The following DLG2 variants were observed in gnomAD, a reference collection of about 807,000 sequenced individuals.
DLG2 encodes the protein disks large homolog 2.
DLG2 carries 45 observed loss-of-function variants against 132.5 expected under a neutral mutation model. That is an observed-to-expected ratio of 0.34 (90% CI 0.27 to 0.44). The LOEUF is 0.44. Ranked by LOEUF, DLG2 falls within the 20% of genes least tolerant of loss-of-function variation. The pLI is 1.00. For synonymous variants in DLG2, 424 were observed against 419.6 expected, an observed-to-expected ratio of 1.01 and a Z score of -0.13; for missense variants, 1,045 against 1,196.9, an observed-to-expected ratio of 0.87 and a Z score of 1.87.
chr11:85,393,574 A>G (rs2086996316), intron 3 of DLG2, among the ~76,000 whole-genome samples: 1 of 151,946 alleles, frequency 6.6e-6, no homozygotes, highest in Non-Finnish European at 1.5e-5. Context: ...CCAAATGCCC[A>G]ACAATCAACA....
chr11:85,465,469 C>A (rs1443286506), intron 3 of DLG2, among the ~76,000 whole-genome samples: 2 of 152,090 alleles, frequency 1.3e-5, no homozygotes, highest in Non-Finnish European at 2.9e-5. Flanking sequence ...CCCCACCCCA[C>A]AACAGGCCCT....
At chr11:84,483,531 C>T (rs1415905839) in intron 7 of DLG2, among the ~76,000 whole-genome samples, 1 of 151,426 alleles carries the variant, frequency 6.6e-6, no homozygotes, top group Non-Finnish European at 1.5e-5. Flanking sequence ...CTACTTTTTG[C>T]ACTGTCGTTC....
intron 3 of DLG2, among the ~76,000 whole-genome samples, chr11:85,418,224 T>C (rs1001361541): frequency 6.6e-6 from 1 of 152,166 alleles, no homozygotes; most frequent in Non-Finnish European, 1.5e-5. Context: ...CAGGAGTAGG[T>C]TGTTCAGTTT....
intron 6 of DLG2, among the ~76,000 whole-genome samples, chr11:84,685,359 A>T (rs979373428): frequency 3.3e-5 from 5 of 152,240 alleles, no homozygotes; most frequent in Non-Finnish European, 5.9e-5. Context: ...AGCATTAATA[A>T]GAACCACAGT....
intron 3 of DLG2, among the ~76,000 whole-genome samples, chr11:85,582,234 A>G (rs2078572200): frequency 6.6e-6 from 1 of 152,116 alleles, no homozygotes; most frequent in South Asian, 2.1e-4. Flanking sequence ...TGTAGAGCCA[A>G]TGATTTAGTA....
chr11:85,068,981 C>A (rs1021378505), intron 6 of DLG2, among the ~76,000 whole-genome samples: 1 of 151,976 alleles, frequency 6.6e-6, no homozygotes, highest in Non-Finnish European at 1.5e-5. Context: ...AGAACAGAGC[C>A]CTCAGAAATA....
chr11:83,499,895 A>ATATATATATATATCTATCTATC (rs1296866569), intron 21 of DLG2, among the ~76,000 whole-genome samples: 4 of 114,522 alleles, frequency 3.5e-5, no homozygotes, highest in African/African-American at 1.4e-4. Context: ...ATATATATAT[A>ATATATATATATATCTATCTATC]TATCAGTTCT....
chr11:84,795,540 C>A (rs757131551), intron 6 of DLG2, among the ~76,000 whole-genome samples: 1 of 152,134 alleles, frequency 6.6e-6, no homozygotes, highest in Non-Finnish European at 1.5e-5. Flanking sequence ...AGTAAAGCAC[C>A]TCTTCACCTT....
intron 9 of DLG2, among the ~76,000 whole-genome samples, chr11:84,149,860 T>A (rs1344917655): frequency 1.2e-4 from 19 of 152,114 alleles, no homozygotes. Context: ...CGGGTTCAAG[T>A]GATTCTTCTG....
At chr11:85,338,827 C>G (rs2082298985) in intron 3 of DLG2, among the ~76,000 whole-genome samples, 1 of 151,608 alleles carries the variant, frequency 6.6e-6, no homozygotes, top group South Asian at 2.1e-4. Flanking sequence ...GCCTCAGCCT[C>G]CTGAGTAGCT....
intron 6 of DLG2, among the ~76,000 whole-genome samples, chr11:84,921,939 C>G (rs2092776237): frequency 6.6e-6 from 1 of 152,010 alleles, no homozygotes; most frequent in Admixed American, 6.6e-5. Flanking sequence ...TTCTATAGAA[C>G]TCTGCAAAAT....
At position 83,763,309 on chromosome 11, in the gene DLG2, T is replaced by A. The variant is rs189987245; in HGVS notation, c.1825+23381A>T. Among the ~76,000 whole-genome samples the A allele has an allele frequency of 7.2e-3, 1,099 of 152,306 alleles. 12 individuals carry two copies. Among genetic ancestry groups the A allele is most frequent in the African/African-American group, 0.017 (713 of 41,572 alleles). ...AGGATAATACTCAATAGATTTTTTTTAAATCCTCTCCCTCCTCCCACCCTC... is the reference window on the plus strand; with the variant it reads ...AGGATAATACTCAATAGATTTTTTTAAAATCCTCTCCCTCCTCCCACCCTC... On this transcript the variant is annotated intron_variant, in intron 18 of 27. Transcript: ENST00000376104.
intron 4 of DLG2, among the ~76,000 whole-genome samples, chr11:85,267,294 T>G (rs2077273389): frequency 6.6e-6 from 1 of 152,216 alleles, no homozygotes; most frequent in African/African-American, 2.4e-5. Flanking sequence ...GACATGCTGG[T>G]ACCCTGATCT....
intron 18 of DLG2, among the ~76,000 whole-genome samples, chr11:83,673,603 G>T (rs1468653326): frequency 6.6e-6 from 1 of 152,146 alleles, no homozygotes; most frequent in East Asian, 1.9e-4. Context: ...ATTTCCTTGG[G>T]TTTGCTACTG....
At position 85,227,449 on chromosome 11, in the gene DLG2, T is replaced by C. The variant is rs1595536935; in HGVS notation, c.186+57771A>G. ...TCATCAGATATACAACTATTAAAAA[T>C]AAATAGGAAAAGATCTGGATGGTAA... On this transcript the variant is annotated intron_variant, in intron 4 of 27. Coordinates refer to ENST00000376104, the MANE Select transcript of DLG2 (RefSeq NM_001142699.3). 2.0e-5 allele frequency among the ~76,000 whole-genome samples: 3 copies of C among 151,956 alleles called. No individual in the cohort carries two copies. The East Asian group carries it at 5.8e-4, about 29-fold the overall frequency.
intron 6 of DLG2, among the ~76,000 whole-genome samples, chr11:84,629,409 T>A (rs1282659468): frequency 1.3e-5 from 2 of 152,226 alleles, no homozygotes; most frequent in Admixed American, 6.5e-5. Flanking sequence ...GCTGTGGAAA[T>A]GCTGGGGAGC....
chr11:85,407,713 T>C (rs2088893699), intron 3 of DLG2, among the ~76,000 whole-genome samples: 1 of 151,548 alleles, frequency 6.6e-6, no homozygotes, highest in African/African-American at 2.4e-5. Flanking sequence ...ACAGAAAAAC[T>C]CTGGGAAAGA....
chr11:84,319,109 G>T (rs1233143724), intron 7 of DLG2, among the ~76,000 whole-genome samples: 1 of 151,964 alleles, frequency 6.6e-6, no homozygotes, highest in Non-Finnish European at 1.5e-5. Flanking sequence ...AATAACAAAG[G>T]CATTAATAGT....
chr11:84,093,199 G>GC (rs1175876750), intron 10 of DLG2, among the ~76,000 whole-genome samples: 5 of 152,162 alleles, frequency 3.3e-5, no homozygotes, highest in Non-Finnish European at 7.3e-5. Context: ...GCTGTATCAA[G>GC]ATGTCAGCTG....
Sources: gnomAD v4.1 joint callset for allele counts (sites outside exome capture counted in the v4.1 genomes callset) on GRCh38, gnomAD v4.1.1 for gene constraint, MANE v1.5 for transcripts, NCBI Gene and HGNC (gene_info 2026-07-23, HGNC 2026-07-21) for gene names.